Variants in RYR3 observed in about 807,000 individuals in gnomAD.
RYR3 encodes the protein ryanodine receptor 3.
Under a neutral mutation model 584.3 loss-of-function variants are expected in RYR3, and 207 were observed. The observed-to-expected ratio is 0.35, with a 90% CI of 0.32 to 0.40. The LOEUF is 0.40. RYR3 is among the 10% of genes least tolerant of loss of function. The pLI is 1.00. For synonymous variants in RYR3, 2,416 were observed against 2,248.5 expected (o/e 1.07, Z -2.11); for missense variants, 5,616 against 6,089.2 (o/e 0.92, Z 2.59).
intron 23 of RYR3, among the ~76,000 whole-genome samples, chr15:33,632,222 A>G (rs2061303549): frequency 6.6e-6 from 1 of 152,236 alleles, no homozygotes; most frequent in East Asian, 1.9e-4. Flanking sequence ...GCCCTGGCCT[A>G]GGCAGTCAAT....
In RYR3 at chr15:33,634,606, T is replaced by G. The variant is rs761958027; in HGVS notation, c.3048T>G (p.Asn1016Lys). The G allele has an allele frequency of 1.2e-6, 2 of 1,613,806 alleles. No individual in the cohort carries two copies. Among genetic ancestry groups the G allele is most frequent in the Admixed American group, 1.7e-5 (1 of 59,990 alleles). Residue 1016 changes from asparagine to lysine, a missense_variant, in exon 25 of 104, where the codon AAT (asparagine) becomes AAG (lysine). Physicochemically the swap from Asn to Lys is moderately conservative, Grantham distance 94 (BLOSUM62 0). Transcript: ENST00000634891. ...GIQQDLKNKR[N>K]PRLVPYALLD... is the part of the protein sequence containing the mutation. ...CATAGGATTTGAAGAACAAAAGAAATCCCCGTCTGGTGCCATATGCATTAC... is the reference window on the plus strand; with the variant it reads ...CATAGGATTTGAAGAACAAAAGAAAGCCCCGTCTGGTGCCATATGCATTAC...
intron 3 of RYR3, among the ~76,000 whole-genome samples, chr15:33,514,998 T>A (rs530404733): frequency 6.6e-6 from 1 of 151,730 alleles, no homozygotes; most frequent in South Asian, 2.1e-4. Flanking sequence ...AGCGAGACTC[T>A]GTCTCAAAAA....
At chr15:33,839,561 C>A (rs2078235508) in intron 89 of RYR3, 1 of 152,418 alleles carries the variant, frequency 6.6e-6, no homozygotes, top group African/African-American at 2.4e-5. Flanking sequence ...CAGTGTCATT[C>A]TAGCATCAAA....
At chr15:33,434,911 G>A (rs1280657170) in intron 1 of RYR3, among the ~76,000 whole-genome samples, 2 of 152,052 alleles carry the variant, frequency 1.3e-5, no homozygotes, top group African/African-American at 2.4e-5. Context: ...TCCACCTCCC[G>A]GGTTCATGCC....
intron 38 of RYR3, among the ~76,000 whole-genome samples, chr15:33,674,606 A>G (rs2064043843): frequency 6.6e-6 from 1 of 152,170 alleles, no homozygotes; most frequent in South Asian, 2.1e-4. Context: ...AAAGAAGAAA[A>G]CAGGGACCTT....
intron 7 of RYR3, among the ~76,000 whole-genome samples, chr15:33,542,600 A>G (rs890649546): frequency 6.6e-6 from 1 of 152,138 alleles, no homozygotes; most frequent in Non-Finnish European, 1.5e-5. Flanking sequence ...CTCATAACAG[A>G]CTGTCACTGT....
chr15:33,575,801 C>T (rs1373403153), intron 12 of RYR3, among the ~76,000 whole-genome samples: 1 of 148,940 alleles, frequency 6.7e-6, no homozygotes, highest in Non-Finnish European at 1.5e-5. Flanking sequence ...ACAGAAAGCC[C>T]TTCAGAGCAT....
At chr15:33,532,367 CAG>C (rs1324255832) in intron 4 of RYR3, among the ~76,000 whole-genome samples, 2 of 152,202 alleles carry the variant, frequency 1.3e-5, no homozygotes, top group East Asian at 3.9e-4. Context: ...AAACCAAAAA[CAG>C]AAGGTCATGG....
intron 3 of RYR3, among the ~76,000 whole-genome samples, chr15:33,521,140 G>T (rs972905661): frequency 6.6e-6 from 1 of 152,026 alleles, no homozygotes; most frequent in Non-Finnish European, 1.5e-5. Flanking sequence ...TCAACTCTAG[G>T]TTACCATAGC....
At chr15:33,430,284 A>G (rs1313689812) in intron 1 of RYR3, among the ~76,000 whole-genome samples, 2 of 152,192 alleles carry the variant, frequency 1.3e-5, no homozygotes, top group South Asian at 2.1e-4. Flanking sequence ...TGCGTTACAG[A>G]TAAGGGTTTT....
At position 33,861,090 on chromosome 15, in the gene RYR3, A is replaced by G; in HGVS notation, c.14377A>G (p.Ile4793Val). ...VREDMETKCF[I>V]CGIGNDYFDT... ...TTATTTTTCTTAGACTAAATGTTTC[A>G]TCTGTGGGATTGGCAATGACTACTT... Residue 4793 changes from isoleucine (I) to valine (V), a missense_variant, in exon 102 of 104, where the codon ATC becomes GTC. Ile to Val is a conservative substitution (Grantham distance 29, BLOSUM62 3). Transcript: ENST00000634891. 6.3e-7 allele frequency: 1 copy of G among 1,589,042 alleles called. No individual in the cohort carries two copies. Among genetic ancestry groups the G allele is most frequent in the Non-Finnish European group, 8.6e-7 (1 of 1,166,260 alleles).
intron 43 of RYR3, among the ~76,000 whole-genome samples, chr15:33,711,085 CT>C (rs767309375): frequency 2.6e-5 from 4 of 152,280 alleles, no homozygotes; most frequent in Non-Finnish European, 4.4e-5. Context: ...CTGAAAAAGC[CT>C]CTTCTTTCTC....
At chr15:33,663,333 T>C (rs1354390593) in intron 35 of RYR3, among the ~76,000 whole-genome samples, 1 of 152,228 alleles carries the variant, frequency 6.6e-6, no homozygotes, top group Admixed American at 6.5e-5. Flanking sequence ...TTTCTCTCTC[T>C]CCATAGGCAG....
rs529085070 is a variant in RYR3 at position 33,439,930 on chromosome 15, G to A, written c.52-33489G>A. ...TTATGTGTTGTAGGTATACAAGCAT[G>A]GATAGCGACAGGTAGATAAAAACGA... On this transcript the variant is annotated intron_variant, in intron 1 of 103. Transcript: ENST00000634891. 3.9e-5 allele frequency among the ~76,000 whole-genome samples: 6 copies of A among 152,244 alleles called. No individual in the cohort carries two copies. In the South Asian group the frequency reaches 1.2e-3, roughly 32 times the overall value.
chr15:33,608,890 G>A (rs1240079779), intron 18 of RYR3, among the ~76,000 whole-genome samples: 1 of 152,174 alleles, frequency 6.6e-6, no homozygotes, highest in Admixed American at 6.5e-5. Context: ...TAAGCCAGAC[G>A]GGGGAAATTC....
At chr15:33,478,409 A>G (rs749831968) in intron 2 of RYR3, among the ~76,000 whole-genome samples, 1 of 152,196 alleles carries the variant, frequency 6.6e-6, no homozygotes, top group Non-Finnish European at 1.5e-5. Context: ...TAACAATTCC[A>G]TAGGCATAGC....
intron 64 of RYR3, among the ~76,000 whole-genome samples, chr15:33,775,277 G>A (rs376108762): frequency 6.6e-6 from 1 of 151,790 alleles, no homozygotes; most frequent in Non-Finnish European, 1.5e-5. Context: ...TTTTTCCCCT[G>A]AACTATGTTT....
chr15:33,431,916 AG>A (rs1240808509), intron 1 of RYR3, among the ~76,000 whole-genome samples: 1 of 152,222 alleles, frequency 6.6e-6, no homozygotes, highest in African/African-American at 2.4e-5. Context: ...TTGTGGGGCC[AG>A]GAGACGTTTT....
At chr15:33,816,623 C>G (rs2076825706) in intron 74 of RYR3, among the ~76,000 whole-genome samples, 1 of 152,190 alleles carries the variant, frequency 6.6e-6, no homozygotes, top group Non-Finnish European at 1.5e-5. Flanking sequence ...TTACAGATAA[C>G]TGCCATGTCT....
Sources: gnomAD v4.1 joint callset for allele counts (sites outside exome capture counted in the v4.1 genomes callset) on GRCh38, gnomAD v4.1.1 for gene constraint, MANE v1.5 for transcripts, NCBI Gene and HGNC (gene_info 2026-07-23, HGNC 2026-07-21) for gene names.